Variants in HERC4 observed in about 807,000 individuals in gnomAD.
The protein encoded by HERC4 is probable E3 ubiquitin-protein ligase HERC4.
In HERC4, 28 loss-of-function variants were observed where a neutral mutation model predicts 124.3. The observed-to-expected ratio is 0.23, with a 90% CI of 0.17 to 0.31. The LOEUF is 0.31. Among genes scored for constraint, HERC4 ranks in the 10% least tolerant of loss-of-function variants. The pLI is 1.00. For missense variants in HERC4, 713 were observed against 1,229.3 expected (o/e 0.58, Z 6.28); for synonymous variants, 407 against 421.5 (o/e 0.97, Z 0.42).
At chr10:68,055,506 A>G (rs1468083136) in intron 3 of HERC4, among the ~76,000 whole-genome samples, 2 of 152,160 alleles carry the variant, frequency 1.3e-5, no homozygotes, top group Non-Finnish European at 2.9e-5. Context: ...GAGGAATACA[A>G]TTAACGTATA....
intron 5 of HERC4, 112 bp from the exon 6 acceptor site, chr10:68,034,298 C>T: frequency 1.3e-6 from 1 of 742,084 alleles, no homozygotes; most frequent in Non-Finnish European, 2.2e-6. Context: ...TTGGGACATT[C>T]TGCCTATCAT....
intron 9 of HERC4, among the ~76,000 whole-genome samples, chr10:67,998,571 G>A (rs2037041754): frequency 6.7e-6 from 1 of 148,648 alleles, no homozygotes; most frequent in Non-Finnish European, 1.5e-5. Context: ...AAAGGGGGGG[G>A]GGTACAGTAC....
chr10:67,933,808 C>T (rs1033495286), intron 22 of HERC4, among the ~76,000 whole-genome samples: 1 of 152,224 alleles, frequency 6.6e-6, no homozygotes, highest in South Asian at 2.1e-4. Flanking sequence ...TCATCTAGTT[C>T]TCAACCCCAT....
intron 15 of HERC4, among the ~76,000 whole-genome samples, chr10:67,978,731 G>C (rs1463600522): frequency 2.6e-4 from 39 of 152,278 alleles, no homozygotes; most frequent in Non-Finnish European, 1.5e-5. Flanking sequence ...ATCGCCACAG[G>C]GGTGCTTGTG....
intron 3 of HERC4, among the ~76,000 whole-genome samples, chr10:68,055,953 T>C (rs888397745): frequency 1.3e-5 from 2 of 152,084 alleles, no homozygotes; most frequent in East Asian, 1.9e-4. Flanking sequence ...GGTTTCACCA[T>C]GTTGGACCAG....
intron 17 of HERC4, chr10:67,956,330 C>T (rs1243778284): frequency 1.3e-5 from 2 of 151,980 alleles, no homozygotes; most frequent in Non-Finnish European, 2.9e-5. Context: ...GAACTCTCAA[C>T]ATAAAATGGA....
intron 3 of HERC4, among the ~76,000 whole-genome samples, chr10:68,049,251 T>C (rs1034286904): frequency 6.6e-6 from 1 of 152,042 alleles, no homozygotes; most frequent in South Asian, 2.1e-4. Context: ...GGATATATTA[T>C]CCATTGGGGA....
intron 4 of HERC4, among the ~76,000 whole-genome samples, chr10:68,042,734 C>T (rs1483581814): frequency 6.6e-6 from 1 of 152,028 alleles, no homozygotes; most frequent in Non-Finnish European, 1.5e-5. Flanking sequence ...CTAGAAAAAG[C>T]CTTACATCTG....
chr10:68,038,132 C>G lies in HERC4; in HGVS notation c.424G>C (p.Val142Leu). The G allele has an allele frequency of 6.5e-7, 1 of 1,543,924 alleles. No homozygotes were observed. Among genetic ancestry groups the G allele is most frequent in the Non-Finnish European group, 8.7e-7 (1 of 1,149,744 alleles). The change falls in exon 5 of 25, where the codon GTT becomes CTT. Residue 142 changes from valine (V) to leucine (L), a missense_variant. By Grantham distance (32) the Val-to-Leu change is conservative. Transcript: ENST00000373700. ...KSLSDIQIVQ[V>L]ACGYYHSLAL... The stretch of plus-strand genomic sequence containing the variant: ...AGTGAATGATAGTAACCACAAGCAA[C>G]CTGTACAATCTGGATATCTGACAAA...
chr10:67,961,819 T>C (rs2034541324), intron 16 of HERC4, among the ~76,000 whole-genome samples: 1 of 152,158 alleles, frequency 6.6e-6, no homozygotes, highest in African/African-American at 2.4e-5. Context: ...AACATCACTC[T>C]ATGCAAACCC....
In HERC4 at chr10:68,059,811, A is replaced by T. The variant is rs1464222487; in HGVS notation, c.226+13072T>A. Among the ~76,000 whole-genome samples, 3 of 72,508 alleles carry T rather than the reference A, an allele frequency of 4.1e-5. 1 individual carries two copies. The highest frequency in any genetic ancestry group is 3.5e-4 in the African/African-American group (3 of 8,476). The allele number at this position is 72,508 out of a possible 152,430, so 47.6% of individuals were successfully genotyped here. On this transcript the variant is annotated intron_variant, in intron 3 of 24. Transcript: ENST00000373700. ...TATATATCATAATATTATATATTAT[A>T]ATATTATATATCATAATATTATATA...
Position 67,925,294 on chromosome 10 carries a change from A to G in HERC4, c.2839-107T>C, listed in dbSNP as rs2030773557. On this transcript the variant is annotated intron_variant, in intron 23 of 24. Coordinates refer to ENST00000373700, the MANE Select transcript of HERC4 (RefSeq NM_015601.4). ...GTTTGCAACTTGTGCAATTCAATGG[A>G]TTGCCCACTGTTTTCTGGACATTTA... 5.3e-6 allele frequency: 3 copies of G among 568,108 alleles called. No individual in the cohort carries two copies. In the Middle Eastern group the frequency reaches 8.5e-4, roughly 160 times the overall value. 35.2% of individuals were successfully genotyped at this position (568,108 alleles called of 1,614,324 possible).
At chr10:68,059,462 A>C (rs1048335250) in intron 3 of HERC4, among the ~76,000 whole-genome samples, 1 of 132,896 alleles carries the variant, frequency 7.5e-6, no homozygotes, top group African/African-American at 2.8e-5. Context: ...ATATTATAAT[A>C]ATATTATATA....
At chr10:67,963,562 A>T (rs776515342) in intron 16 of HERC4, among the ~76,000 whole-genome samples, 5 of 152,194 alleles carry the variant, frequency 3.3e-5, no homozygotes, top group Non-Finnish European at 7.3e-5. Context: ...TTCTTTTAAG[A>T]GCTAAACACC....
chr10:68,045,237 C>T (rs996146716), intron 3 of HERC4, among the ~76,000 whole-genome samples: 9 of 152,136 alleles, frequency 5.9e-5, no homozygotes, highest in African/African-American at 1.9e-4. Context: ...ACAGGAGACT[C>T]GCTTGAATCT....
chr10:68,059,525 A>ACTAT (rs1363368197), intron 3 of HERC4, among the ~76,000 whole-genome samples: 3 of 110,106 alleles, frequency 2.7e-5, no homozygotes, highest in Non-Finnish European at 3.7e-5. Context: ...ATATCATAAT[A>ACTAT]ATATTATATA....
chr10:67,991,583 T>C (rs955764806), intron 11 of HERC4, among the ~76,000 whole-genome samples: 29 of 152,188 alleles, frequency 1.9e-4, no homozygotes, highest in African/African-American at 4.3e-4. Flanking sequence ...AGAAAAATTA[T>C]AGTTTTGGAA....
chr10:67,931,528 A>T (rs2031809570), intron 23 of HERC4, among the ~76,000 whole-genome samples: 1 of 151,318 alleles, frequency 6.6e-6, no homozygotes, highest in South Asian at 2.1e-4. Context: ...AGGTTCAAGC[A>T]ATTCTCCTGT....
rs1350451768 is a variant in HERC4 at position 68,059,855 on chromosome 10, CATAATATTATATATTATA to C, written c.226+13010_226+13027del. 5.9e-4 allele frequency among the ~76,000 whole-genome samples: 23 copies of C among 38,960 alleles called. 2 individuals are homozygous for C. The East Asian group carries it at 0.025, about 42-fold the overall frequency. 25.6% of individuals were successfully genotyped at this position (38,960 alleles called of 152,430 possible). On this transcript the variant is annotated intron_variant, in intron 3 of 24. Transcript: ENST00000373700. ...TTATATATTATAATATATTATATAT[CATAATATTATATATTATA>C]ATAATATTATATATCATAATATTAT...
Sources: gnomAD v4.1 joint callset for allele counts (sites outside exome capture counted in the v4.1 genomes callset) on GRCh38, gnomAD v4.1.1 for gene constraint, MANE v1.5 for transcripts, NCBI Gene and HGNC (gene_info 2026-07-23, HGNC 2026-07-21) for gene names.